Variants in RBFOX1 observed in about 807,000 individuals in gnomAD.
The protein encoded by RBFOX1 is RNA binding fox-1 homolog 1.
A neutral mutation model predicts 57.7 loss-of-function variants in RBFOX1; 8 were observed. The ratio of observed to expected loss-of-function variants is 0.14; its 90% CI spans 0.08 to 0.25. RBFOX1 has a LOEUF of 0.25. Ranked by LOEUF, RBFOX1 falls within the 10% of genes least tolerant of loss-of-function variation. The pLI, the probability that RBFOX1 is intolerant of heterozygous loss-of-function variation, is 1.00. For missense variants in RBFOX1, 611 were observed against 548.5 expected, an observed-to-expected ratio of 1.11 and a Z score of -1.14; for synonymous variants, 326 against 222.4, an observed-to-expected ratio of 1.47 and a Z score of -4.15.
At position 6,373,226 on chromosome 16, in the gene RBFOX1, C is replaced by T. The variant is rs528737507; in HGVS notation, c.-64+56169C>T. ...TGTATAGTTGGATAGAAGGATAGTT[C>T]GTTGGGATCACTGGGTAGGAGGATA... On this transcript the variant is annotated intron_variant, in intron 2 of 15. Coordinates refer to ENST00000550418, the MANE Select transcript of RBFOX1 (RefSeq NM_018723.4). Among the ~76,000 whole-genome samples the T allele has an allele frequency of 1.4e-4, 21 of 147,234 alleles. No homozygotes were observed. In the Middle Eastern group the frequency reaches 0.015, roughly 108 times the overall value.
At chr16:6,158,401 C>G (rs564990459) in intron 1 of RBFOX1, among the ~76,000 whole-genome samples, 2 of 152,168 alleles carry the variant, frequency 1.3e-5, no homozygotes, top group African/African-American at 4.8e-5. Context: ...ATAATGGCAG[C>G]CCGTTCCAGT....
chr16:6,262,244 G>A (rs2097705937), intron 1 of RBFOX1, among the ~76,000 whole-genome samples: 1 of 152,088 alleles, frequency 6.6e-6, no homozygotes, highest in Admixed American at 6.6e-5. Flanking sequence ...AGAGAATCGG[G>A]AAAGTTAAGT....
At chr16:7,542,209 A>G (rs186173399) in intron 5 of RBFOX1, among the ~76,000 whole-genome samples, 152 of 152,322 alleles carry the variant, frequency 1.0e-3, no homozygotes, top group African/African-American at 3.3e-3. Flanking sequence ...AGAGATATAC[A>G]CAGAGAAGAC....
chr16:5,295,399 T>G lies in RBFOX1; in HGVS notation c.219+55294T>G, dbSNP rs538260994. ...TTTGTGGCTTGAGACAGCACACAGT[T>G]ATCACTGCACGGTTTCTGTGGGTCA... On this transcript the variant is annotated intron_variant, in intron 1 of 2. Coordinates refer to the RBFOX1 transcript ENST00000585867. 2.6e-5 allele frequency among the ~76,000 whole-genome samples: 4 copies of G among 152,362 alleles called. No individual in the cohort carries two copies. In the East Asian group the frequency reaches 7.7e-4, roughly 29 times the overall value.
intron 2 of RBFOX1, among the ~76,000 whole-genome samples, chr16:5,580,269 C>G (rs1338439053): frequency 2.0e-5 from 3 of 152,188 alleles, no homozygotes; most frequent in African/African-American, 7.2e-5. Context: ...CTTCTGGGTT[C>G]TGGGAGCGCC....
intron 3 of RBFOX1, among the ~76,000 whole-genome samples, chr16:5,821,846 G>A (rs2055868802): frequency 2.0e-5 from 3 of 152,070 alleles, no homozygotes; most frequent in Admixed American, 2.0e-4. Flanking sequence ...AAGGAGAAGG[G>A]CAAAAAGGGC....
intron 1 of RBFOX1, among the ~76,000 whole-genome samples, chr16:6,029,555 C>T (rs1270770972): frequency 1.4e-4 from 21 of 151,896 alleles, no homozygotes; most frequent in Admixed American, 1.3e-3. Flanking sequence ...GGGTGGATCA[C>T]GAGGTCAGGA....
intron 3 of RBFOX1, among the ~76,000 whole-genome samples, chr16:6,689,424 A>C (rs750006589): frequency 6.6e-6 from 1 of 152,148 alleles, no homozygotes. Context: ...TTTTCCTAAA[A>C]ATATTATTTT....
At chr16:7,205,416 G>A (rs1466035427) in intron 4 of RBFOX1, among the ~76,000 whole-genome samples, 2 of 151,578 alleles carry the variant, frequency 1.3e-5, no homozygotes, top group Admixed American at 1.3e-4. Context: ...TACTCGGGAG[G>A]CTAAGGCAGG....
At chr16:6,434,699 T>C (rs193297240) in intron 2 of RBFOX1, among the ~76,000 whole-genome samples, 67 of 152,334 alleles carry the variant, frequency 4.4e-4, no homozygotes, top group East Asian at 1.5e-3. Context: ...CTTTCCATCA[T>C]TGATAAAAAT....
At chr16:6,778,608 A>G (rs2079793445) in intron 3 of RBFOX1, among the ~76,000 whole-genome samples, 1 of 152,168 alleles carries the variant, frequency 6.6e-6, no homozygotes, top group Non-Finnish European at 1.5e-5. Context: ...CGAGGACTAT[A>G]GAATGCAATT....
chr16:6,052,800 A>G (rs997418243), intron 1 of RBFOX1, among the ~76,000 whole-genome samples: 8 of 58,046 alleles, frequency 1.4e-4, no homozygotes, highest in African/African-American at 6.9e-4. Context: ...TAAATAAAAT[A>G]AAATATAATA....
In RBFOX1 at chr16:6,140,165, G is replaced by GT. The variant is rs1257148814; in HGVS notation, c.-127+120181dup. On this transcript the variant is annotated intron_variant, in intron 1 of 15. Coordinates refer to ENST00000550418, the MANE Select transcript of RBFOX1 (RefSeq NM_018723.4). ...GTCTGATAATTCGTAAACTTCTAAG[G>GT]TTTTTTTTCCACTGGAAATGACTTT... Among the ~76,000 whole-genome samples the GT allele has an allele frequency of 2.0e-5, 3 of 148,888 alleles. No homozygotes were observed. The East Asian group carries it at 5.9e-4, about 29-fold the overall frequency.
rs2153640646 is a variant in RBFOX1, at chr16:7,004,862, CAA to C, written c.-15-47193_-15-47192del. ...GGACAGAACAGGTTGAATCCTTGAG[CAA>C]AGAGGCCAGGTGAGGTGACTCACAC... On this transcript the variant is annotated intron_variant, in intron 3 of 15. Transcript: ENST00000550418. Among the ~76,000 whole-genome samples the C allele has an allele frequency of 2.6e-5, 4 of 152,192 alleles. No individual in the cohort carries two copies. The South Asian group carries it at 8.3e-4, about 32-fold the overall frequency.
chr16:5,823,186 A>G (rs1248993581), intron 3 of RBFOX1, among the ~76,000 whole-genome samples: 1 of 152,168 alleles, frequency 6.6e-6, no homozygotes, highest in African/African-American at 2.4e-5. Context: ...GGGCAGTCGG[A>G]TACTGACGCA....
chr16:5,667,546 A>G (rs2049886637), intron 3 of RBFOX1, among the ~76,000 whole-genome samples: 1 of 152,230 alleles, frequency 6.6e-6, no homozygotes, highest in African/African-American at 2.4e-5. Flanking sequence ...CAACTTAAAA[A>G]TATTCTTGAT....
intron 3 of RBFOX1, among the ~76,000 whole-genome samples, chr16:5,805,929 G>T (rs781293344): frequency 3.9e-5 from 6 of 152,144 alleles, no homozygotes; most frequent in Non-Finnish European, 7.3e-5. Flanking sequence ...GGATCTGGGG[G>T]GACAAATGGA....
At chr16:6,422,001 A>G (rs1597015229) in intron 2 of RBFOX1, among the ~76,000 whole-genome samples, 1 of 147,928 alleles carries the variant, frequency 6.8e-6, no homozygotes, top group Admixed American at 6.8e-5. Flanking sequence ...GCTCACTGCA[A>G]CCTCTGCCTC....
intron 3 of RBFOX1, among the ~76,000 whole-genome samples, chr16:5,826,535 AT>A (rs1446965666): frequency 6.6e-6 from 1 of 152,248 alleles, no homozygotes; most frequent in Admixed American, 6.5e-5. Context: ...GCAGCCACAG[AT>A]AACATGTAAA....
Sources: allele counts gnomAD v4.1 joint callset (sites outside exome capture counted in the v4.1 genomes callset), GRCh38; gene constraint gnomAD v4.1.1; transcripts MANE v1.5; gene names NCBI Gene and HGNC (gene_info 2026-07-23, HGNC 2026-07-21).